ZMAT3: variants seen among roughly 807,000 people sequenced by gnomAD.
ZMAT3 encodes the protein zinc finger matrin-type protein 3.
Under a neutral mutation model 32.3 loss-of-function variants are expected in ZMAT3, and 17 were observed. The observed-to-expected ratio is 0.53, with a 90% CI of 0.36 to 0.79. The LOEUF is 0.79. Among genes scored for constraint, ZMAT3 ranks in the 30% least tolerant of loss-of-function variants. The probability of loss-of-function intolerance (pLI) is 0.00; values close to 1 mark genes in which losing one functional copy is unlikely to be tolerated. For missense variants in ZMAT3, 329 were observed against 359.7 expected, an observed-to-expected ratio of 0.91 and a Z score of 0.69; for synonymous variants, 120 against 133.1, an observed-to-expected ratio of 0.90 and a Z score of 0.68.
rs1718545484 is a variant in ZMAT3, at chr3:179,021,626, C to A, written c.*3391G>T. The A allele has an allele frequency of 6.6e-6, 1 of 152,134 alleles. No homozygotes were observed. Among genetic ancestry groups the A allele is most frequent in the Admixed American group, 6.5e-5 (1 of 15,268 alleles). The allele number at this position is 152,134 out of a possible 1,614,324, so 9.4% of individuals were successfully genotyped here. On this transcript the variant is annotated 3_prime_UTR_variant, in exon 6 of 6. Transcript: ENST00000311417. ...ATAGAAAAGGACACTAACATAATTC[C>A]TGGGGAGCACAAGGTGCAAATCCTA...
At chr3:179,053,911 G>A (rs184817443) in intron 2 of ZMAT3, among the ~76,000 whole-genome samples, 3 of 152,262 alleles carry the variant, frequency 2.0e-5, no homozygotes, top group African/African-American at 7.2e-5. Context: ...ACCAGGGAAA[G>A]GCCATTAGTA....
chr3:179,061,928 A>G (rs1721171272), intron 2 of ZMAT3, among the ~76,000 whole-genome samples: 1 of 152,200 alleles, frequency 6.6e-6, no homozygotes, highest in South Asian at 2.1e-4. Context: ...AAATGTGATC[A>G]ATCTTGACAG....
rs1718631548 is a variant in ZMAT3 at position 179,023,067 on chromosome 3, G to A, written c.*1950C>T. 1 of 152,046 alleles carries A rather than the reference G, an allele frequency of 6.6e-6. No individual in the cohort carries two copies. The highest frequency in any genetic ancestry group is 2.4e-5 in the African/African-American group (1 of 41,408). The allele number at this position is 152,046 out of a possible 1,614,324, so 9.4% of individuals were successfully genotyped here. A position where few individuals can be genotyped will look rare whatever the true frequency, so the allele number is the denominator to read the frequency against. On this transcript the variant is annotated 3_prime_UTR_variant, in exon 6 of 6. Transcript: ENST00000311417. ...TTCAAAAGAAATACGGATGACCACT[G>A]GTCTTACCCATATAAAATATAGTAA...
rs1245740170 is a variant in ZMAT3, at chr3:179,023,168, T to G, written c.*1849A>C. ...CTAGATATATATTATAGCTTCTTTTTTTTTTTTTTTGGAGACGGAGTATTG... is the reference window on the plus strand; with the variant it reads ...CTAGATATATATTATAGCTTCTTTTGTTTTTTTTTTGGAGACGGAGTATTG... On this transcript the variant is annotated 3_prime_UTR_variant, in exon 6 of 6. Transcript: ENST00000311417. 3 of 151,648 alleles carry G rather than the reference T, an allele frequency of 2.0e-5. No individual in the cohort carries two copies. In the East Asian group the frequency reaches 5.8e-4, roughly 29 times the overall value. The allele number at this position is 151,648 out of a possible 1,614,324, so 9.4% of individuals were successfully genotyped here. A position where few individuals can be genotyped will look rare whatever the true frequency, so the allele number is the denominator to read the frequency against.
chr3:179,063,337 T>C (rs1020094933), intron 2 of ZMAT3, among the ~76,000 whole-genome samples: 18 of 152,230 alleles, frequency 1.2e-4, no homozygotes, highest in African/African-American at 4.3e-4. Context: ...AAAAATCTAA[T>C]AGCATTCTCT....
chr3:179,042,965 C>G (rs1454981941), intron 2 of ZMAT3, among the ~76,000 whole-genome samples: 1 of 152,188 alleles, frequency 6.6e-6, no homozygotes. Flanking sequence ...AGTGAACTCC[C>G]ATTCACAATT....
intron 1 of ZMAT3, among the ~76,000 whole-genome samples, chr3:179,071,064 TGA>T (rs1275476938): frequency 2.0e-5 from 3 of 151,700 alleles, no homozygotes; most frequent in Admixed American, 6.6e-5. Flanking sequence ...CAAGAAGGAA[TGA>T]GAGGGAGAAA....
intron 3 of ZMAT3, among the ~76,000 whole-genome samples, chr3:179,029,528 A>G (rs566709799): frequency 9.2e-5 from 14 of 152,220 alleles, no homozygotes; most frequent in South Asian, 8.3e-4. Context: ...CAGTGGCACA[A>G]TCTTGGCTCA....
intron 2 of ZMAT3, among the ~76,000 whole-genome samples, chr3:179,032,228 T>A (rs1719287013): frequency 6.6e-6 from 1 of 151,738 alleles, no homozygotes; most frequent in African/African-American, 2.4e-5. Context: ...GGTCTCCAGC[T>A]CCTGACCGCG....
chr3:179,052,996 C>T lies in ZMAT3; in HGVS notation c.270+14487G>A, dbSNP rs532828298. Among the ~76,000 whole-genome samples the T allele has an allele frequency of 7.9e-5, 12 of 151,980 alleles. No homozygotes were observed. The South Asian group carries it at 2.1e-3, about 26-fold the overall frequency. ...TACAAAAATTAGCCAGGCACAGTGGCGGGCATCTGTAATCCCAGCTACTCA... is the reference window on the plus strand; with the variant it reads ...TACAAAAATTAGCCAGGCACAGTGGTGGGCATCTGTAATCCCAGCTACTCA... On this transcript the variant is annotated intron_variant, in intron 2 of 5. Coordinates refer to ENST00000311417, the MANE Select transcript of ZMAT3 (RefSeq NM_022470.4).
intron 2 of ZMAT3, among the ~76,000 whole-genome samples, chr3:179,031,643 C>T (rs1028668370): frequency 1.3e-5 from 2 of 152,086 alleles, no homozygotes; most frequent in Non-Finnish European, 2.9e-5. Flanking sequence ...TGCGGTGGCT[C>T]ATGCCTGTAT....
chr3:179,036,046 T>G (rs574005556), intron 2 of ZMAT3, among the ~76,000 whole-genome samples: 10 of 152,288 alleles, frequency 6.6e-5, no homozygotes, highest in African/African-American at 2.2e-4. Flanking sequence ...GGGGGCTCAT[T>G]CTTAATGCCT....
intron 2 of ZMAT3, among the ~76,000 whole-genome samples, chr3:179,058,769 A>C (rs997453744): frequency 6.6e-6 from 1 of 151,622 alleles, no homozygotes; most frequent in Admixed American, 6.6e-5. Context: ...AAAAAAAAAA[A>C]AAAAGAAAAA....
chr3:179,069,813 A>C (rs1365951433), intron 1 of ZMAT3, among the ~76,000 whole-genome samples: 2 of 152,186 alleles, frequency 1.3e-5, no homozygotes, highest in Non-Finnish European at 2.9e-5. Context: ...AAATGATAAT[A>C]TTATTTAATT....
intron 2 of ZMAT3, among the ~76,000 whole-genome samples, chr3:179,067,210 C>T (rs2108591234): frequency 6.6e-6 from 1 of 152,278 alleles, no homozygotes; most frequent in South Asian, 2.1e-4. Flanking sequence ...GGTTCAGATG[C>T]CAGCATAGAT....
At position 179,059,533 on chromosome 3, in the gene ZMAT3, C is replaced by T. The variant is rs149245748; in HGVS notation, c.270+7950G>A. Among the ~76,000 whole-genome samples the T allele has an allele frequency of 8.2e-3, 1,247 of 152,292 alleles. 18 individuals carry two copies. Among genetic ancestry groups the T allele is most frequent in the African/African-American group, 0.029 (1,203 of 41,542 alleles). ...CCCCTGCACTGCAGGCCATACATTT[C>T]AATCCCTGTATCTTTAACCTCCTTG... On this transcript the variant is annotated intron_variant, in intron 2 of 5. Transcript: ENST00000311417.
chr3:179,028,073 T>C lies in ZMAT3; in HGVS notation c.391-261A>G, dbSNP rs115697979. On this transcript the variant is annotated intron_variant, in intron 3 of 5. Coordinates refer to ENST00000311417, the MANE Select transcript of ZMAT3 (RefSeq NM_022470.4). ...CGCCACTGAAGACATTTTTTAAGAG[T>C]TTAAAAACCTTAGATTTAGGACAGT... Among the ~76,000 whole-genome samples the C allele has an allele frequency of 4.6e-3, 705 of 152,202 alleles. 2 individuals are homozygous for C. The highest frequency in any genetic ancestry group is 8.0e-3 in the Non-Finnish European group (546 of 68,002).
At chr3:179,057,461 T>C (rs187035846) in intron 2 of ZMAT3, among the ~76,000 whole-genome samples, 221 of 152,352 alleles carry the variant, frequency 1.5e-3, no homozygotes, top group Non-Finnish European at 2.7e-3. Flanking sequence ...GGTTGAGGGA[T>C]AGCCCCCATC....
intron 2 of ZMAT3, among the ~76,000 whole-genome samples, chr3:179,044,967 C>G (rs1720150466): frequency 6.6e-6 from 1 of 151,986 alleles, no homozygotes; most frequent in South Asian, 2.1e-4. Context: ...CAACATGGTA[C>G]ATGTATACCT....
Sources: allele counts gnomAD v4.1 joint callset (sites outside exome capture counted in the v4.1 genomes callset), GRCh38; gene constraint gnomAD v4.1.1; transcripts MANE v1.5; gene names NCBI Gene and HGNC (gene_info 2026-07-23, HGNC 2026-07-21).